Variants in VRK2 observed in about 807,000 individuals in gnomAD.
VRK2 encodes the protein VRK serine/threonine kinase 2.
In VRK2, 60 loss-of-function variants were observed where a neutral mutation model predicts 57.6. The ratio of observed to expected loss-of-function variants is 1.04; its 90% CI spans 0.85 to 1.29. VRK2 has a LOEUF of 1.29. VRK2 is among the 50% of genes most tolerant of loss of function. The pLI is 0.00. For missense variants in VRK2, 705 were observed against 588.1 expected (o/e 1.20, Z -2.06); for synonymous variants, 231 against 199.2 (o/e 1.16, Z -1.35).
At chr2:58,089,580 T>A in intron 6 of VRK2, 51 bp from the exon 7 acceptor site, 5 of 1,140,262 alleles carry the variant, frequency 4.4e-6, no homozygotes, top group Non-Finnish European at 6.3e-6. Context: ...TTGAAATTGA[T>A]CATGAGTTCT....
At chr2:57,929,666 G>A (rs1670656226) in intron 1 of VRK2, among the ~76,000 whole-genome samples, 1 of 151,996 alleles carries the variant, frequency 6.6e-6, no homozygotes, top group Admixed American at 6.6e-5. Flanking sequence ...GAATGTGCTG[G>A]ATCTCACCTG....
chr2:58,131,984 A>T (rs773413687), intron 9 of VRK2, 56 bp downstream of exon 9: 11 of 1,601,978 alleles, frequency 6.9e-6, no homozygotes, highest in Non-Finnish European at 9.4e-6. Flanking sequence ...GGGATACATT[A>T]AAGGGAGCTA....
chr2:58,088,531 A>G lies in VRK2; in HGVS notation c.450+85A>G, dbSNP rs1342291017. 74 of 1,069,762 alleles carry G rather than the reference A, an allele frequency of 6.9e-5. 1 individual carries two copies. The highest frequency in any genetic ancestry group is 1.0e-4 in the South Asian group (8 of 76,232). The allele number at this position is 1,069,762 out of a possible 1,614,324, so 66.3% of individuals were successfully genotyped here. On this transcript the variant is annotated intron_variant, in intron 6 of 12. Coordinates refer to ENST00000340157, the MANE Select transcript of VRK2 (RefSeq NM_006296.7). ...AATCTTTTCCCTTTGTGGAATTATT[A>G]GAGAATGAAGGATTATTGCCCTAGA...
At chr2:58,083,618 G>C (rs1369945737) in intron 2 of VRK2, among the ~76,000 whole-genome samples, 2 of 151,614 alleles carry the variant, frequency 1.3e-5, no homozygotes, top group East Asian at 1.9e-4. Context: ...AAATTGTTTT[G>C]AACTTTCTAC....
intron 7 of VRK2, among the ~76,000 whole-genome samples, chr2:58,111,168 C>A (rs1435062304): frequency 1.3e-5 from 2 of 152,042 alleles, no homozygotes; most frequent in Admixed American, 6.6e-5. Context: ...ATAACAAAAC[C>A]CTTGGACAGG....
chr2:57,951,650 T>C (rs1671429511), intron 1 of VRK2, among the ~76,000 whole-genome samples: 1 of 152,238 alleles, frequency 6.6e-6, no homozygotes, highest in Non-Finnish European at 1.5e-5. Flanking sequence ...GCACTATCAC[T>C]GTCATCATCA....
intron 1 of VRK2, among the ~76,000 whole-genome samples, chr2:57,944,932 T>C (rs1465181090): frequency 1.3e-5 from 2 of 152,152 alleles, no homozygotes; most frequent in African/African-American, 4.8e-5. Context: ...GCGTTTATTC[T>C]AGCAATTTAA....
intron 2 of VRK2, among the ~76,000 whole-genome samples, chr2:58,065,523 G>A (rs747323575): frequency 6.6e-6 from 1 of 152,076 alleles, no homozygotes; most frequent in South Asian, 2.1e-4. Flanking sequence ...TTCTACCATT[G>A]AAGGACATTT....
chr2:58,151,330 T>A (rs1365572355), intron 12 of VRK2, among the ~76,000 whole-genome samples: 1 of 151,796 alleles, frequency 6.6e-6, no homozygotes, highest in Non-Finnish European at 1.5e-5. Context: ...TTCTGAAATA[T>A]CTTTCTTTAT....
chr2:57,930,270 A>G (rs1310980869), intron 1 of VRK2, among the ~76,000 whole-genome samples: 1 of 152,158 alleles, frequency 6.6e-6, no homozygotes, highest in Admixed American at 6.5e-5. Context: ...TCCTCTGGCT[A>G]GGGCTTGTCT....
At chr2:57,986,360 T>C (rs1241415110) in intron 1 of VRK2, among the ~76,000 whole-genome samples, 2 of 152,192 alleles carry the variant, frequency 1.3e-5, no homozygotes, top group Non-Finnish European at 2.9e-5. Context: ...GGACTCAATA[T>C]AGATTCAATA....
At chr2:58,046,140 T>C (rs1364011953), upstream of VRK2, among the ~76,000 whole-genome samples, 1 of 152,210 alleles carries the variant, frequency 6.6e-6, no homozygotes, top group East Asian at 1.9e-4. Context: ...CCACCGCACC[T>C]GGCCACTATG....
intron 12 of VRK2, among the ~76,000 whole-genome samples, chr2:58,153,324 C>T (rs1683330368): frequency 6.6e-6 from 1 of 151,992 alleles, no homozygotes; most frequent in African/African-American, 2.4e-5. Flanking sequence ...TGTCCATTCA[C>T]TATTCAGTAG....
intron 1 of VRK2, among the ~76,000 whole-genome samples, chr2:57,986,314 C>T (rs1558526780): frequency 6.6e-6 from 1 of 151,838 alleles, no homozygotes; most frequent in Non-Finnish European, 1.5e-5. Flanking sequence ...CTTTAAATGT[C>T]AGCTTCTTCA....
chr2:57,916,186 C>T (rs982694225), intron 1 of VRK2, among the ~76,000 whole-genome samples: 1 of 151,996 alleles, frequency 6.6e-6, no homozygotes, highest in Non-Finnish European at 1.5e-5. Context: ...GCAGGCAGAT[C>T]ACTTGAGGTC....
rs1452941962 is a variant in VRK2 at position 57,936,101 on chromosome 2, C to T, written c.-439+28262C>T. Among the ~76,000 whole-genome samples the T allele has an allele frequency of 2.0e-5, 3 of 152,076 alleles. No homozygotes were observed. In the East Asian group the frequency reaches 5.8e-4, roughly 29 times the overall value. On this transcript the variant is annotated intron_variant, in intron 1 of 15. Coordinates refer to the VRK2 transcript ENST00000417641. ...CTTTATTAATGTTGCCAATCAGTAC[C>T]TCATCAAATATTTATTAAGTTCTCA...
intron 1 of VRK2, among the ~76,000 whole-genome samples, chr2:58,018,315 AAGTTTT>A (rs1171759462): frequency 2.0e-5 from 3 of 152,170 alleles, no homozygotes; most frequent in Non-Finnish European, 4.4e-5. Context: ...TAAAAACCAG[AAGTTTT>A]AGAACTATTA....
intron 1 of VRK2, among the ~76,000 whole-genome samples, chr2:57,922,510 T>A (rs1304390469): frequency 6.6e-6 from 1 of 151,662 alleles, no homozygotes; most frequent in Non-Finnish European, 1.5e-5. Context: ...CAAATACAAT[T>A]GTAAGCTAAG....
chr2:57,972,112 T>C (rs946668494), intron 1 of VRK2, among the ~76,000 whole-genome samples: 1 of 151,810 alleles, frequency 6.6e-6, no homozygotes, highest in Non-Finnish European at 1.5e-5. Flanking sequence ...ATTTTCTGCC[T>C]CAGACCTTGG....
Sources: allele counts gnomAD v4.1 joint callset (sites outside exome capture counted in the v4.1 genomes callset), GRCh38; gene constraint gnomAD v4.1.1; transcripts MANE v1.5; gene names NCBI Gene and HGNC (gene_info 2026-07-23, HGNC 2026-07-21).